OR14I1: variants seen among roughly 807,000 people sequenced by gnomAD.
The protein encoded by OR14I1 is olfactory receptor 14I1.
For synonymous variants in OR14I1, 118 were observed against 71.1 expected (o/e 1.66, Z -3.32); for missense variants, 279 against 181.8 (o/e 1.53, Z -3.07).
chr1:248,683,634 C>A (rs2103133735), upstream of OR14I1, among the ~76,000 whole-genome samples: 1 of 152,212 alleles, frequency 6.6e-6, no homozygotes, highest in East Asian at 1.9e-4. Context: ...CAGGTAGAAC[C>A]TATGTTTAAT....
At chr1:248,693,513 AG>A in the OR14I1 span, among the ~76,000 whole-genome samples, 2 of 152,224 alleles carry the variant, frequency 1.3e-5, no homozygotes, top group Non-Finnish European at 2.9e-5. Flanking sequence ...AAGATAAAAG[AG>A]TTCAGCATAA....
upstream of OR14I1, among the ~76,000 whole-genome samples, chr1:248,682,807 G>A (rs28569913): frequency 0.013 from 1,928 of 152,166 alleles, 22 homozygotes; most frequent in Non-Finnish European, 0.018. Flanking sequence ...TAAATTGGGT[G>A]GTAAGCCACT....
chr1:248,701,789 A>T, the OR14I1 span, among the ~76,000 whole-genome samples: 1 of 152,156 alleles, frequency 6.6e-6, no homozygotes, highest in East Asian at 1.9e-4. Context: ...AAAAATAGCT[A>T]TCCACAAATC....
the OR14I1 span, among the ~76,000 whole-genome samples, chr1:248,687,395 T>C: frequency 1.3e-5 from 2 of 152,232 alleles, no homozygotes; most frequent in Non-Finnish European, 2.9e-5. Flanking sequence ...CAGAAAATTA[T>C]TGGCTTAATG....
chr1:248,693,934 G>A, the OR14I1 span, among the ~76,000 whole-genome samples: 1 of 151,240 alleles, frequency 6.6e-6, no homozygotes, highest in Non-Finnish European at 1.5e-5. Context: ...CTGGAATATT[G>A]GGCTTAAGAG....
At chr1:248,693,426 A>G in the OR14I1 span, among the ~76,000 whole-genome samples, 1 of 152,142 alleles carries the variant, frequency 6.6e-6, no homozygotes, top group Non-Finnish European at 1.5e-5. Flanking sequence ...CCTGCCCCAT[A>G]CTGGTGGACC....
At chr1:248,685,452 C>T (rs1250906242), upstream of OR14I1, among the ~76,000 whole-genome samples, 2 of 152,132 alleles carry the variant, frequency 1.3e-5, no homozygotes, top group African/African-American at 4.8e-5. Flanking sequence ...GGTTACCCAC[C>T]CTTCCAGCAG....
chr1:248,701,343 G>A, the OR14I1 span, among the ~76,000 whole-genome samples: 126 of 151,146 alleles, frequency 8.3e-4, no homozygotes, highest in Admixed American at 1.6e-3. Flanking sequence ...AAGTAGAGAC[G>A]GGGTTTCACC....
At chr1:248,682,392 TAATATCCTCCTA>T (rs766190646), upstream of OR14I1, 20 of 618,982 alleles carry the variant, frequency 3.2e-5, no homozygotes, top group Non-Finnish European at 4.9e-5. Flanking sequence ...GTGGTAGGAG[TAATATCCTCCTA>T]AATTAAATTC....
chr1:248,690,275 C>A, the OR14I1 span, among the ~76,000 whole-genome samples: 1 of 152,010 alleles, frequency 6.6e-6, no homozygotes, highest in South Asian at 2.1e-4. Flanking sequence ...TTCAAAAAAA[C>A]AATGAAATCA....
the OR14I1 span, among the ~76,000 whole-genome samples, chr1:248,701,399 C>T: frequency 1.3e-5 from 2 of 152,204 alleles, no homozygotes; most frequent in Non-Finnish European, 1.5e-5. Context: ...AGTGATCCAT[C>T]CACCTCAGTC....
the OR14I1 span, among the ~76,000 whole-genome samples, chr1:248,690,502 A>T: frequency 4.0e-5 from 6 of 151,602 alleles, no homozygotes; most frequent in Non-Finnish European, 8.8e-5. Context: ...ATTCCTGGAC[A>T]CATACACCCT....
upstream of OR14I1, among the ~76,000 whole-genome samples, chr1:248,684,974 ATT>A (rs1034407139): frequency 6.6e-6 from 1 of 152,136 alleles, no homozygotes; most frequent in African/African-American, 2.4e-5. Context: ...CTTAAAAATC[ATT>A]TGTTATACTC....
At chr1:248,689,050 A>T in the OR14I1 span, among the ~76,000 whole-genome samples, 1 of 152,180 alleles carries the variant, frequency 6.6e-6, no homozygotes, top group African/African-American at 2.4e-5. Flanking sequence ...CAAAGGCCTG[A>T]CTATTTAAAA....
At chr1:248,689,660 C>CT in the OR14I1 span, among the ~76,000 whole-genome samples, 79 of 152,206 alleles carry the variant, frequency 5.2e-4, no homozygotes, top group African/African-American at 1.9e-3. Flanking sequence ...AAAAGAAAAA[C>CT]TTTACCAATG....
At chr1:248,693,545 T>G in the OR14I1 span, among the ~76,000 whole-genome samples, 1 of 152,344 alleles carries the variant, frequency 6.6e-6, no homozygotes, top group South Asian at 2.1e-4. Context: ...AATTAGTTTT[T>G]TCTTGATATA....
At chr1:248,683,906 C>T (rs986046229), upstream of OR14I1, among the ~76,000 whole-genome samples, 1 of 152,174 alleles carries the variant, frequency 6.6e-6, no homozygotes, top group African/African-American at 2.4e-5. Context: ...GTGGCACATG[C>T]CTGTAATCCC....
chr1:248,678,410 C>T (rs1661509497), downstream of OR14I1, among the ~76,000 whole-genome samples: 2 of 152,156 alleles, frequency 1.3e-5, no homozygotes, highest in South Asian at 4.1e-4. Context: ...GATTCTAAAT[C>T]ATGTGCAATG....
the OR14I1 span, among the ~76,000 whole-genome samples, chr1:248,700,917 T>C: frequency 2.0e-5 from 3 of 152,246 alleles, no homozygotes; most frequent in South Asian, 6.2e-4. Context: ...TACTATATTA[T>C]TAACTCGAAT....
Sources: allele counts gnomAD v4.1 joint callset (sites outside exome capture counted in the v4.1 genomes callset), GRCh38; gene constraint gnomAD v4.1.1; transcripts MANE v1.5; gene names NCBI Gene and HGNC (gene_info 2026-07-23, HGNC 2026-07-21).